PLA2G4A: variants seen among roughly 807,000 people sequenced by gnomAD.
The protein encoded by PLA2G4A is cytosolic phospholipase A2.
Under a neutral mutation model 81.9 loss-of-function variants are expected in PLA2G4A, and 40 were observed. That is an observed-to-expected ratio of 0.49 (90% CI 0.38 to 0.64). PLA2G4A has a LOEUF of 0.64. PLA2G4A is among the 30% of genes least tolerant of loss of function. The probability of loss-of-function intolerance (pLI) is 0.00; values close to 1 mark genes in which losing one functional copy is unlikely to be tolerated. For missense variants in PLA2G4A, 715 were observed against 905.1 expected, an observed-to-expected ratio of 0.79 and a Z score of 2.69; for synonymous variants, 302 against 296.9, an observed-to-expected ratio of 1.02 and a Z score of -0.18.
intron 1 of PLA2G4A, among the ~76,000 whole-genome samples, chr1:186,844,356 C>T (rs780721996): frequency 4.2e-4 from 64 of 152,130 alleles, no homozygotes; most frequent in Non-Finnish European, 7.5e-4. Flanking sequence ...AAGCTTAAAA[C>T]TTTAGTGATG....
intron 16 of PLA2G4A, among the ~76,000 whole-genome samples, chr1:186,978,796 C>CT (rs775536306): frequency 7.8e-4 from 119 of 152,226 alleles, no homozygotes; most frequent in African/African-American, 2.5e-3. Context: ...CTGGGGAACA[C>CT]TCTAGTTTAT....
intron 8 of PLA2G4A, among the ~76,000 whole-genome samples, chr1:186,934,577 T>TACAC (rs1655875731): frequency 6.6e-6 from 1 of 151,466 alleles, no homozygotes; most frequent in Non-Finnish European, 1.5e-5. Flanking sequence ...TGTATACTTC[T>TACAC]ACTCTATCTT....
At chr1:186,852,558 T>C (rs1451410840) in intron 1 of PLA2G4A, among the ~76,000 whole-genome samples, 1 of 152,038 alleles carries the variant, frequency 6.6e-6, no homozygotes, top group African/African-American at 2.4e-5. Context: ...GGCTATTCTT[T>C]TCTTTCAAGA....
intron 2 of PLA2G4A, among the ~76,000 whole-genome samples, chr1:186,856,512 C>A (rs1166301925): frequency 2.0e-5 from 3 of 151,436 alleles, no homozygotes; most frequent in Non-Finnish European, 4.4e-5. Context: ...GACTTAGCCT[C>A]CCCTGTAGCT....
At chr1:186,915,679 G>A (rs190513471) in intron 7 of PLA2G4A, among the ~76,000 whole-genome samples, 61 of 152,166 alleles carry the variant, frequency 4.0e-4, no homozygotes, top group Non-Finnish European at 7.6e-4. Flanking sequence ...GTATAATGCC[G>A]TGGGGGCTGT....
At chr1:186,910,012 A>T (rs1654886101) in intron 6 of PLA2G4A, among the ~76,000 whole-genome samples, 1 of 152,154 alleles carries the variant, frequency 6.6e-6, no homozygotes, top group African/African-American at 2.4e-5. Flanking sequence ...GAAAATAAGT[A>T]TTTAAAATAT....
chr1:186,977,507 A>AC, intron 15 of PLA2G4A, 86 bp from the exon 16 acceptor site: 1 of 827,546 alleles, frequency 1.2e-6, no homozygotes, highest in Non-Finnish European at 2.1e-6. Flanking sequence ...CACAGTAGAC[A>AC]CCTAGTGAAC....
chr1:186,947,077 A>C, intron 12 of PLA2G4A, 116 bp downstream of exon 12: 1 of 677,272 alleles, frequency 1.5e-6, no homozygotes, highest in Non-Finnish European at 2.6e-6. Flanking sequence ...TAAATTTATT[A>C]ATAATTTGGT....
intron 13 of PLA2G4A, among the ~76,000 whole-genome samples, chr1:186,951,912 G>A (rs72711877): frequency 0.25 from 38,592 of 151,970 alleles, 5,408 homozygotes; most frequent in Admixed American, 0.4. Flanking sequence ...ATCCTGCTGC[G>A]TTATGTAGCC....
chr1:186,948,778 TGACTCG>T (rs551340609), intron 12 of PLA2G4A, among the ~76,000 whole-genome samples: 13 of 152,282 alleles, frequency 8.5e-5, no homozygotes, highest in Middle Eastern at 3.4e-3. Context: ...GGCAGCTTAT[TGACTCG>T]GACTGTGTGT....
At chr1:186,896,026 T>C (rs1654321195) in intron 5 of PLA2G4A, among the ~76,000 whole-genome samples, 1 of 151,368 alleles carries the variant, frequency 6.6e-6, no homozygotes, top group Non-Finnish European at 1.5e-5. Flanking sequence ...TATGAATACA[T>C]TTAATTATAA....
At chr1:186,872,817 C>T (rs1011505253) in intron 3 of PLA2G4A, among the ~76,000 whole-genome samples, 6 of 152,018 alleles carry the variant, frequency 3.9e-5, no homozygotes, top group African/African-American at 1.4e-4. Flanking sequence ...GGACAGGGAA[C>T]ATTTAGGTTT....
In PLA2G4A at chr1:186,872,037, G is replaced by T. The variant is rs930182224; in HGVS notation, c.115+1521G>T. 2.6e-5 allele frequency among the ~76,000 whole-genome samples: 4 copies of T among 152,050 alleles called. No individual in the cohort carries two copies. The East Asian group carries it at 7.8e-4, about 29-fold the overall frequency. On this transcript the variant is annotated intron_variant, in intron 3 of 17. Coordinates refer to ENST00000367466, the MANE Select transcript of PLA2G4A (RefSeq NM_024420.3). The stretch of plus-strand genomic sequence containing the variant: ...AAATGTCTGAAGCAAGGAGAGGATT[G>T]TTAGGTAGAATCTAACAGCAAGAGT...
chr1:186,897,531 C>T (rs1057005573), intron 5 of PLA2G4A, among the ~76,000 whole-genome samples: 1 of 151,910 alleles, frequency 6.6e-6, no homozygotes, highest in African/African-American at 2.4e-5. Context: ...TTTTTTGAGA[C>T]AGGGTCTCGC....
intron 3 of PLA2G4A, among the ~76,000 whole-genome samples, chr1:186,892,507 G>T (rs1334462479): frequency 6.6e-6 from 1 of 152,094 alleles, no homozygotes; most frequent in Non-Finnish European, 1.5e-5. Flanking sequence ...TCATTCTTCT[G>T]CATATGGAGA....
At chr1:186,836,538 A>G (rs1269090631) in intron 1 of PLA2G4A, among the ~76,000 whole-genome samples, 1 of 152,110 alleles carries the variant, frequency 6.6e-6, no homozygotes, top group Non-Finnish European at 1.5e-5. Context: ...GGAAAATGCA[A>G]TTTTTTAATA....
At chr1:186,871,722 A>G (rs1423275139) in intron 3 of PLA2G4A, among the ~76,000 whole-genome samples, 1 of 152,128 alleles carries the variant, frequency 6.6e-6, no homozygotes, top group Non-Finnish European at 1.5e-5. Flanking sequence ...AAGACTTAGG[A>G]CTGAGATTTT....
chr1:186,870,624 TG>T (rs1653226703), intron 3 of PLA2G4A, 108 bp downstream of exon 3: 2 of 1,184,466 alleles, frequency 1.7e-6, no homozygotes, highest in African/African-American at 1.5e-5. Flanking sequence ...AATGTGGTTA[TG>T]TTTGTCTAGA....
chr1:186,830,936 A>AGCTTGCTTGCTTGCTTGCTT (rs148614012), intron 1 of PLA2G4A, among the ~76,000 whole-genome samples: 16 of 127,030 alleles, frequency 1.3e-4, no homozygotes, highest in African/African-American at 4.4e-4. Context: ...CAGATTGTAT[A>AGCTTGCTTGCTTGCTTGCTT]GCTTGCTTGC....
Sources: gnomAD v4.1 joint callset for allele counts (sites outside exome capture counted in the v4.1 genomes callset) on GRCh38, gnomAD v4.1.1 for gene constraint, MANE v1.5 for transcripts, NCBI Gene and HGNC (gene_info 2026-07-23, HGNC 2026-07-21) for gene names.